NMI: variants seen among roughly 807,000 people sequenced by gnomAD.
NMI encodes N-myc and STAT interactor, also known as N-myc-interactor.
Under a neutral mutation model 34.3 loss-of-function variants are expected in NMI, and 39 were observed. The ratio of observed to expected loss-of-function variants is 1.14; its 90% confidence interval spans 0.88 to 1.49. The LOEUF (loss-of-function observed/expected upper bound fraction) is 1.49, where lower values mean the gene tolerates loss of function less well. Among genes scored for constraint, NMI ranks in the 40% most tolerant of loss-of-function variants. The pLI, the probability that NMI is intolerant of heterozygous loss-of-function variation, is 0.00. For missense variants in NMI, 339 were observed against 358.1 expected, an observed-to-expected ratio of 0.95 and a Z score of 0.43; for synonymous variants, 113 against 120.3, an observed-to-expected ratio of 0.94 and a Z score of 0.40.
chr2:151,279,803 A>G (rs927621726), intron 3 of NMI, among the ~76,000 whole-genome samples: 1 of 152,118 alleles, frequency 6.6e-6, no homozygotes, highest in African/African-American at 2.4e-5. Flanking sequence ...AAATTTATCA[A>G]ATTTAAAAAT....
intron 1 of NMI, 61 bp from the exon 2 acceptor site, chr2:151,283,015 G>T (rs752747131): frequency 1.3e-4 from 107 of 821,274 alleles, no homozygotes; most frequent in Non-Finnish European, 1.2e-4. Flanking sequence ...TAAGAACAAA[G>T]AAATAAGAAC....
At chr2:151,287,735 C>A (rs1305563553) in intron 1 of NMI, among the ~76,000 whole-genome samples, 1 of 152,120 alleles carries the variant, frequency 6.6e-6, no homozygotes, top group Non-Finnish European at 1.5e-5. Context: ...CATCAGTAAA[C>A]ATGTTGAGGG....
chr2:151,276,926 T>C (rs1162700911), intron 4 of NMI, among the ~76,000 whole-genome samples: 1 of 152,210 alleles, frequency 6.6e-6, no homozygotes, highest in Non-Finnish European at 1.5e-5. Context: ...TTTAGTAAAA[T>C]GCTAAAAATC....
At position 151,270,862 on chromosome 2, in the gene NMI, G is replaced by A. The variant is rs151182775; in HGVS notation, c.755C>T (p.Thr252Ile). 27 of 1,609,340 alleles carry A rather than the reference G, an allele frequency of 1.7e-5. No homozygotes were observed. In the African/African-American group the frequency reaches 1.9e-4, roughly 11 times the overall value. Residue 252 changes from threonine to isoleucine, a missense_variant, in exon 8 of 8, where the codon ACA (threonine) becomes ATA (isoleucine). Coordinates refer to ENST00000243346, the MANE Select transcript of NMI (RefSeq NM_004688.3). ...TGTCAGAAGCACTGTCCTCTTAGAT[G>A]TTCCTGAAAATATCTAAGAAGGAAA... ...HLKKYQIFSG[T>I]SKRTVLLTGM... is the part of the protein sequence containing the mutation.
chr2:151,286,472 T>C (rs1317262023), intron 1 of NMI, among the ~76,000 whole-genome samples: 3 of 152,162 alleles, frequency 2.0e-5, no homozygotes, highest in Non-Finnish European at 4.4e-5. Context: ...CCCGGAAGTA[T>C]GGCATTTTGA....
chr2:151,289,517 C>G (rs1683581213), intron 1 of NMI, 76 bp downstream of exon 1: 1 of 152,220 alleles, frequency 6.6e-6, no homozygotes, highest in South Asian at 2.1e-4. Flanking sequence ...CTCCCACCTC[C>G]CTTTCCACCC....
Position 151,271,693 on chromosome 2 carries a change from T to A in NMI, c.674A>T (p.Tyr225Phe). 6.3e-6 allele frequency: 10 copies of A among 1,583,054 alleles called. No individual in the cohort carries two copies. The highest frequency in any genetic ancestry group is 8.7e-6 in the Non-Finnish European group (10 of 1,154,154). Residue 225 changes from tyrosine to phenylalanine, a missense_variant, in exon 7 of 8, where the codon TAT becomes TTT. Tyr to Phe is a conservative substitution (Grantham distance 22). Transcript: ENST00000243346. ...KILKKKEYPLYINQTCHRVTV... is the reference protein window; with the variant it reads ...KILKKKEYPLFINQTCHRVTV... Reference sequence around the variant, plus strand: ...AACTCTATGGCAGGTTTGATTTATATAAAGAGGGTATTCTTTCTTTTTCAA... The same window carrying A: ...AACTCTATGGCAGGTTTGATTTATAAAAAGAGGGTATTCTTTCTTTTTCAA...
intron 1 of NMI, among the ~76,000 whole-genome samples, chr2:151,283,172 T>G (rs10187344): frequency 0.6 from 90,337 of 151,032 alleles, 27,249 homozygotes; most frequent in Admixed American, 0.66. Flanking sequence ...ACAGAGTCTC[T>G]CTCTGTCGCC....
At chr2:151,274,344 C>CAAAAAAA (rs773276443) in intron 6 of NMI, among the ~76,000 whole-genome samples, 7 of 54,674 alleles carry the variant, frequency 1.3e-4, no homozygotes, top group Admixed American at 3.0e-4. Flanking sequence ...CTCTGTCTCA[C>CAAAAAAA]AAAAAAAAAA....
At chr2:151,281,256 C>T (rs764420295) in intron 3 of NMI, among the ~76,000 whole-genome samples, 3 of 152,076 alleles carry the variant, frequency 2.0e-5, no homozygotes, top group Non-Finnish European at 2.9e-5. Context: ...TAATATATGT[C>T]CAATTTTTTG....
At chr2:151,285,450 T>C (rs1418854744) in intron 1 of NMI, among the ~76,000 whole-genome samples, 1 of 152,002 alleles carries the variant, frequency 6.6e-6, no homozygotes, top group Non-Finnish European at 1.5e-5. Context: ...TACCCAGGCA[T>C]GGTGGCATGC....
At chr2:151,279,066 G>T (rs1683340756) in intron 3 of NMI, 76 bp from the exon 4 acceptor site, 1 of 983,458 alleles carries the variant, frequency 1.0e-6, no homozygotes, top group Non-Finnish European at 1.5e-6. Flanking sequence ...ATGTAATTTG[G>T]TCATCCAATA....
intron 1 of NMI, among the ~76,000 whole-genome samples, chr2:151,283,620 G>T (rs925618618): frequency 2.0e-5 from 3 of 152,092 alleles, no homozygotes; most frequent in African/African-American, 7.2e-5. Flanking sequence ...GTTTTTCAAA[G>T]TTTTTGATTA....
At chr2:151,271,911 G>A (rs766548227) in intron 6 of NMI, among the ~76,000 whole-genome samples, 179 bp from the exon 7 acceptor site, 11 of 152,110 alleles carry the variant, frequency 7.2e-5, no homozygotes, top group Non-Finnish European at 1.6e-4. Flanking sequence ...AAAACTACAA[G>A]ACCAAACAAT....
At chr2:151,280,928 C>T (rs764639602) in intron 3 of NMI, among the ~76,000 whole-genome samples, 3 of 151,936 alleles carry the variant, frequency 2.0e-5, no homozygotes, top group Non-Finnish European at 2.9e-5. Flanking sequence ...TCGCGACCTC[C>T]GCCTCCCAGG....
At chr2:151,278,101 C>G (rs1683322147) in intron 4 of NMI, 1 of 152,132 alleles carries the variant, frequency 6.6e-6, no homozygotes, top group South Asian at 2.1e-4. Flanking sequence ...AGTATTTTAT[C>G]AACATTTCTC....
At chr2:151,281,860 T>C (rs1683411202) in intron 3 of NMI, 88 bp downstream of exon 3, 6 of 730,424 alleles carry the variant, frequency 8.2e-6, no homozygotes, top group Non-Finnish European at 1.2e-5. Flanking sequence ...GATAAGGTTT[T>C]AAAAATGAAT....
In NMI at chr2:151,275,668, A is replaced by C. The variant is rs1683281092; in HGVS notation, c.450T>G (p.Val150=). ...VPLNSGVRFQ[V]YVEVSKMKIN... The stretch of plus-strand genomic sequence containing the variant: ...TTTTCATTTTAGAAACTTCTACATA[A>C]ACCTGGAAAATGATTTGATGTTCAG... The change falls in exon 6 of 8, where the codon GTT becomes GTG. Residue 150 remains valine, a splice_region_variant and synonymous_variant. Coordinates refer to ENST00000243346, the MANE Select transcript of NMI (RefSeq NM_004688.3). The C allele has an allele frequency of 6.2e-7, 1 of 1,613,794 alleles. No homozygotes were observed. The highest frequency in any genetic ancestry group is 1.7e-5 in the Admixed American group (1 of 59,996).
rs1573739896 is a variant in NMI, at chr2:151,270,867, T to C, written c.750A>G (p.Ser250=). 1.9e-6 allele frequency: 3 copies of C among 1,607,972 alleles called. No homozygotes were observed. Among genetic ancestry groups the C allele is most frequent in the Non-Finnish European group, 2.5e-6 (3 of 1,176,632 alleles). The change falls in exon 8 of 8, where the codon TCA becomes TCG. Residue 250 remains serine, a synonymous_variant. Transcript: ENST00000243346. ...EIHLKKYQIF[S]GTSKRTVLLT... is the part of the protein sequence containing the mutation. ...GAAGCACTGTCCTCTTAGATGTTCCTGAAAATATCTAAGAAGGAAAAAATG... is the reference window on the plus strand; with the variant it reads ...GAAGCACTGTCCTCTTAGATGTTCCCGAAAATATCTAAGAAGGAAAAAATG...
Sources: gnomAD v4.1 joint callset for allele counts (sites outside exome capture counted in the v4.1 genomes callset) on GRCh38, gnomAD v4.1.1 for gene constraint, MANE v1.5 for transcripts, NCBI Gene and HGNC (gene_info 2026-07-23, HGNC 2026-07-21) for gene names.